Variants in DPP6 observed in about 807,000 individuals in gnomAD.
The protein encoded by DPP6 is dipeptidyl peptidase like 6.
Under a neutral mutation model 122.6 loss-of-function variants are expected in DPP6, and 69 were observed. That is an observed-to-expected ratio of 0.56 (90% CI 0.46 to 0.69). The LOEUF (loss-of-function observed/expected upper bound fraction) is 0.69. DPP6 is among the 30% of genes least tolerant of loss of function. The pLI is 0.00. For synonymous variants in DPP6, 418 were observed against 433.1 expected (o/e 0.97, Z 0.43); for missense variants, 928 against 1,116.9 (o/e 0.83, Z 2.41).
At chr7:153,889,174 C>A (rs1799080757) in intron 1 of DPP6, among the ~76,000 whole-genome samples, 1 of 152,174 alleles carries the variant, frequency 6.6e-6, no homozygotes, top group South Asian at 2.1e-4. Context: ...GACGACAAGC[C>A]CCCATCTAGG....
At chr7:154,280,197 T>A (rs1649336360) in intron 1 of DPP6, among the ~76,000 whole-genome samples, 1 of 151,680 alleles carries the variant, frequency 6.6e-6, no homozygotes, top group Admixed American at 6.6e-5. Context: ...TGTTTTTTTA[T>A]AAAAAAAGGT....
rs1384962020 is a variant in DPP6 at position 154,282,384 on chromosome 7, T to C, written c.244-163830T>C. ...CTTTCTTACACAGTGCACTGTTAAC[T>C]GAGCAGAGGCAGCCGTACCTGGGGT... On this transcript the variant is annotated intron_variant, in intron 1 of 25. Transcript: ENST00000377770. This position sits in a 1 kb window ranked among gnomAD's most constrained non-coding sequence, Gnocchi z 4.8. Among the ~76,000 whole-genome samples, 1 of 152,234 alleles carries C rather than the reference T, an allele frequency of 6.6e-6. No individual in the cohort carries two copies. The highest frequency in any genetic ancestry group is 1.5e-5 in the Non-Finnish European group (1 of 68,042).
At chr7:154,352,188 G>GCA (rs1810918020) in intron 1 of DPP6, among the ~76,000 whole-genome samples, 1 of 152,174 alleles carries the variant, frequency 6.6e-6, no homozygotes. Context: ...ACAAGGCCGG[G>GCA]CACGGTGGCT....
At chr7:154,286,259 G>T (rs189451421) in intron 1 of DPP6, among the ~76,000 whole-genome samples, 70 of 152,248 alleles carry the variant, frequency 4.6e-4, no homozygotes, top group Non-Finnish European at 9.1e-4. Context: ...TTAGCCAACA[G>T]CCCTGGGCAA....
chr7:154,141,908 A>G (rs1189608756), intron 1 of DPP6, among the ~76,000 whole-genome samples: 1 of 152,210 alleles, frequency 6.6e-6, no homozygotes, highest in African/African-American at 2.4e-5. Flanking sequence ...TGTTAAAAAT[A>G]CATTTGAATA....
At chr7:154,613,240 T>C (rs1350083597) in intron 5 of DPP6, among the ~76,000 whole-genome samples, 1 of 152,204 alleles carries the variant, frequency 6.6e-6, no homozygotes. Flanking sequence ...TGACATTTAC[T>C]TTCTAAATGG....
chr7:153,815,517 C>G, the DPP6 span, among the ~76,000 whole-genome samples: 15 of 151,908 alleles, frequency 9.9e-5, no homozygotes, highest in Non-Finnish European at 1.9e-4. Context: ...ATCCCTCCCC[C>G]GTCCCCCCAC....
chr7:154,853,353 C>G (rs1174311137), intron 16 of DPP6, among the ~76,000 whole-genome samples: 1 of 152,110 alleles, frequency 6.6e-6, no homozygotes, highest in East Asian at 1.9e-4. Flanking sequence ...TATGAGAGAC[C>G]CATTGGATGG....
At position 154,276,680 on chromosome 7, in the gene DPP6, G is replaced by T. The variant is rs569833461; in HGVS notation, c.244-169534G>T. On this transcript the variant is annotated intron_variant, in intron 1 of 25. Transcript: ENST00000377770. ...AGTTCTTGCTGTTCACAGTAGTCAT[G>T]CTCTATAAGGTTGCCACAAAGGCAG... Among the ~76,000 whole-genome samples the T allele has an allele frequency of 8.5e-5, 13 of 152,284 alleles. No individual in the cohort carries two copies. In the East Asian group the frequency reaches 2.3e-3, roughly 27 times the overall value.
At chr7:154,404,521 T>A (rs1815906929) in intron 1 of DPP6, among the ~76,000 whole-genome samples, 1 of 151,752 alleles carries the variant, frequency 6.6e-6, no homozygotes, top group Non-Finnish European at 1.5e-5. Flanking sequence ...AAGAAGAAAA[T>A]TACAAAGGCC....
intron 3 of DPP6, among the ~76,000 whole-genome samples, chr7:154,482,788 A>G (rs983745715): frequency 7.2e-5 from 11 of 152,228 alleles, no homozygotes; most frequent in African/African-American, 2.7e-4. Flanking sequence ...GTAAAAAGCC[A>G]TGGTGAGTGA....
intron 1 of DPP6, among the ~76,000 whole-genome samples, chr7:154,017,759 A>AATTAGAAT (rs2129050924): frequency 6.6e-6 from 1 of 151,384 alleles, no homozygotes; most frequent in African/African-American, 2.4e-5. Context: ...ATAAAGAAAG[A>AATTAGAAT]ATTAGAATAC....
the DPP6 span, among the ~76,000 whole-genome samples, chr7:153,817,975 G>A: frequency 0.077 from 11,658 of 150,676 alleles, 528 homozygotes; most frequent in Non-Finnish European, 0.11. Flanking sequence ...AGGTGGGGGA[G>A]GGTGAGTTAC....
At chr7:154,526,150 A>G (rs907426687) in intron 3 of DPP6, among the ~76,000 whole-genome samples, 2 of 152,164 alleles carry the variant, frequency 1.3e-5, no homozygotes, top group Non-Finnish European at 2.9e-5. Context: ...GTCTTGTGAC[A>G]TTTGGGTTAT....
At chr7:154,460,379 TC>T (rs1290068146) in intron 2 of DPP6, among the ~76,000 whole-genome samples, 1 of 152,208 alleles carries the variant, frequency 6.6e-6, no homozygotes, top group African/African-American at 2.4e-5. Context: ...TTCTCCCACT[TC>T]CGTCTCTTCA....
chr7:153,796,354 A>G, the DPP6 span, among the ~76,000 whole-genome samples: 26 of 141,566 alleles, frequency 1.8e-4, no homozygotes, highest in Non-Finnish European at 4.6e-5. Context: ...TCATTGTGAA[A>G]TGATCCCTGT....
chr7:154,715,616 C>T (rs1841440277), intron 7 of DPP6, among the ~76,000 whole-genome samples: 1 of 152,212 alleles, frequency 6.6e-6, no homozygotes, highest in Non-Finnish European at 1.5e-5. Flanking sequence ...ATGTGAGGAA[C>T]TTCAGTGTGA....
At chr7:154,201,699 C>T (rs1161660108) in intron 1 of DPP6, among the ~76,000 whole-genome samples, 1 of 151,996 alleles carries the variant, frequency 6.6e-6, no homozygotes, top group African/African-American at 2.4e-5. Flanking sequence ...CCATAGGAAA[C>T]AGGGACTCCA....
intron 1 of DPP6, among the ~76,000 whole-genome samples, chr7:154,124,928 C>T (rs1028851998): frequency 2.6e-5 from 4 of 152,084 alleles, no homozygotes; most frequent in African/African-American, 7.2e-5. Context: ...AATGACCACA[C>T]CTAGGAAGAA....
Sources: allele counts gnomAD v4.1 joint callset (sites outside exome capture counted in the v4.1 genomes callset), GRCh38; gene constraint gnomAD v4.1.1; non-coding constraint Gnocchi (gnomAD v3.1); transcripts MANE v1.5; gene names NCBI Gene and HGNC (gene_info 2026-07-23, HGNC 2026-07-21).